Variants in IGF2BP3 observed in about 807,000 individuals in gnomAD.
IGF2BP3 encodes the protein insulin like growth factor 2 mRNA binding protein 3.
In IGF2BP3, 9 loss-of-function variants were observed where a neutral mutation model predicts 73.8. That is an observed-to-expected ratio of 0.12 (90% confidence interval 0.07 to 0.21). The LOEUF is 0.21. IGF2BP3 is among the 10% of genes least tolerant of loss of function. The pLI, the probability that IGF2BP3 is intolerant of heterozygous loss-of-function variation, is 1.00. For missense variants in IGF2BP3, 542 were observed against 714.0 expected, an observed-to-expected ratio of 0.76 and a Z score of 2.75; for synonymous variants, 258 against 256.7, an observed-to-expected ratio of 1.01 and a Z score of -0.05.
At chr7:23,329,186 C>G (rs1261810585) in intron 10 of IGF2BP3, among the ~76,000 whole-genome samples, 2 of 151,358 alleles carry the variant, frequency 1.3e-5, no homozygotes, top group Non-Finnish European at 2.9e-5. Context: ...GCACTCCAGC[C>G]TGGGCGACAG....
intron 3 of IGF2BP3, chr7:23,396,541 C>CA (rs1199582150): frequency 6.3e-6 from 1 of 159,940 alleles, no homozygotes; most frequent in Non-Finnish European, 1.4e-5. Context: ...TGAGATAATG[C>CA]AAGCCTACAT....
intron 3 of IGF2BP3, among the ~76,000 whole-genome samples, chr7:23,397,790 T>C (rs1786523880): frequency 6.6e-6 from 1 of 152,216 alleles, no homozygotes; most frequent in Non-Finnish European, 1.5e-5. Flanking sequence ...AATTGAATAA[T>C]GGTCCCAAAT....
At chr7:23,419,894 T>G (rs1446239719) in intron 2 of IGF2BP3, among the ~76,000 whole-genome samples, 1 of 151,994 alleles carries the variant, frequency 6.6e-6, no homozygotes, top group Non-Finnish European at 1.5e-5. Context: ...TAAGAAGAGA[T>G]CCATAGGTTT....
intron 6 of IGF2BP3, 196 bp from the exon 7 acceptor site, chr7:23,347,930 C>T: frequency 1.8e-6 from 1 of 553,498 alleles, no homozygotes; most frequent in East Asian, 3.1e-5. Flanking sequence ...GAACATTCCC[C>T]TTTCTCTTTC....
At chr7:23,415,218 G>C (rs1787150325) in intron 3 of IGF2BP3, 1 of 226,064 alleles carries the variant, frequency 4.4e-6, no homozygotes, top group Admixed American at 6.6e-5. Flanking sequence ...CCGTCCGTCA[G>C]TCGGCATCAA....
intron 2 of IGF2BP3, among the ~76,000 whole-genome samples, chr7:23,463,289 CACTTT>C (rs1788492147): frequency 6.6e-6 from 1 of 152,224 alleles, no homozygotes; most frequent in African/African-American, 2.4e-5. Context: ...TTGACAGCTT[CACTTT>C]AATACAAAAT....
At chr7:23,403,129 T>C (rs964738499) in intron 3 of IGF2BP3, among the ~76,000 whole-genome samples, 1 of 152,176 alleles carries the variant, frequency 6.6e-6, no homozygotes, top group Non-Finnish European at 1.5e-5. Context: ...ATTGCTCAGT[T>C]TTCATATATA....
At chr7:23,399,628 A>C (rs1448226806) in intron 3 of IGF2BP3, among the ~76,000 whole-genome samples, 1 of 152,120 alleles carries the variant, frequency 6.6e-6, no homozygotes, top group African/African-American at 2.4e-5. Flanking sequence ...GTTTGTGATT[A>C]ATTTGTTACA....
chr7:23,468,654 C>A, intron 1 of IGF2BP3, 112 bp from the exon 2 acceptor site: 2 of 1,049,646 alleles, frequency 1.9e-6, no homozygotes, highest in Non-Finnish European at 2.9e-6. Context: ...CCTCGAAGGG[C>A]CCCCGAGGCC....
intron 3 of IGF2BP3, among the ~76,000 whole-genome samples, chr7:23,374,876 C>T (rs1428493555): frequency 3.9e-5 from 6 of 151,976 alleles, no homozygotes; most frequent in Admixed American, 1.3e-4. Context: ...CATCACATGT[C>T]GGCAGGTTCC....
intron 3 of IGF2BP3, among the ~76,000 whole-genome samples, chr7:23,395,930 A>G (rs1009293106): frequency 1.3e-5 from 2 of 152,110 alleles, no homozygotes; most frequent in Non-Finnish European, 2.9e-5. Context: ...CATCTCAAAA[A>G]AAGAAGAAAA....
At chr7:23,321,134 T>C (rs540522437) in intron 10 of IGF2BP3, among the ~76,000 whole-genome samples, 5 of 151,840 alleles carry the variant, frequency 3.3e-5, no homozygotes, top group Non-Finnish European at 5.9e-5. Flanking sequence ...AGAAGACGGG[T>C]GATTTCTGCA....
Position 23,361,750 on chromosome 7 carries a change from A to G in IGF2BP3, c.286-9T>C. Reference sequence around the variant, plus strand: ...AGTAAACTATCCAGCACCTATCAGGAGGGGGAGAGAAAATTATAAATTTTG... The same window carrying G: ...AGTAAACTATCCAGCACCTATCAGGGGGGGGAGAGAAAATTATAAATTTTG... On this transcript the variant is annotated splice_polypyrimidine_tract_variant and intron_variant, in intron 3 of 14. Transcript: ENST00000258729. The G allele has an allele frequency of 2.5e-6, 4 of 1,597,906 alleles. No homozygotes were observed. The highest frequency in any genetic ancestry group is 1.7e-6 in the Non-Finnish European group (2 of 1,174,220).
intron 9 of IGF2BP3, among the ~76,000 whole-genome samples, chr7:23,343,331 TATAAG>T (rs759214559): frequency 4.6e-5 from 7 of 152,264 alleles, no homozygotes; most frequent in Non-Finnish European, 7.3e-5. Flanking sequence ...GAGTAAATCA[TATAAG>T]AGAAGAGAGC....
chr7:23,313,548 T>C lies in IGF2BP3; in HGVS notation c.1501A>G (p.Arg501Gly). ...GTTTTGCCTCCTTTTCCAATAACTC[T>C]GCCAGCAGCAAAGGATGGCACTCTG... ...HIRVPSFAAGRVIGKGGKTVN... is the reference protein window; with the variant it reads ...HIRVPSFAAGGVIGKGGKTVN... Residue 501 changes from arginine to glycine, a missense_variant, in exon 13 of 15, where the codon AGA (arginine) becomes GGA (glycine). Arg to Gly is a moderately radical substitution (Grantham distance 125). This residue lies in a region of IGF2BP3 where 303 missense variants were observed against 472.1 expected (regional missense o/e 0.64). Coordinates refer to ENST00000258729, the MANE Select transcript of IGF2BP3 (RefSeq NM_006547.3). The C allele has an allele frequency of 6.2e-7, 1 of 1,614,082 alleles. No homozygotes were observed. Among genetic ancestry groups the C allele is most frequent in the Non-Finnish European group, 8.5e-7 (1 of 1,180,012 alleles).
intron 8 of IGF2BP3, among the ~76,000 whole-genome samples, chr7:23,345,542 G>A (rs1343081180): frequency 6.6e-6 from 1 of 152,212 alleles, no homozygotes; most frequent in Non-Finnish European, 1.5e-5. Context: ...GAACCACCCA[G>A]CTAAGCTGCT....
intron 3 of IGF2BP3, among the ~76,000 whole-genome samples, chr7:23,384,322 G>A (rs924929650): frequency 6.6e-6 from 1 of 152,026 alleles, no homozygotes; most frequent in Admixed American, 6.6e-5. Flanking sequence ...GAACAAGAGA[G>A]CAATATCTGA....
At chr7:23,316,568 G>A (rs138673631) in intron 12 of IGF2BP3, among the ~76,000 whole-genome samples, 7,708 of 151,708 alleles carry the variant, frequency 0.051, 605 homozygotes, top group East Asian at 0.36. Context: ...CCAGCTACTC[G>A]GGAGGCGGAG....
intron 2 of IGF2BP3, among the ~76,000 whole-genome samples, chr7:23,467,535 G>C (rs113290925): frequency 0.011 from 1,697 of 152,318 alleles, 15 homozygotes; most frequent in South Asian, 0.035. Context: ...AGGGAGCAGT[G>C]CCTTTCCAAT....
Sources: gnomAD v4.1 joint callset for allele counts (sites outside exome capture counted in the v4.1 genomes callset) on GRCh38, gnomAD v4.1.1 for gene constraint, gnomAD v4.1.1 regional missense constraint, MANE v1.5 for transcripts, NCBI Gene and HGNC (gene_info 2026-07-23, HGNC 2026-07-21) for gene names.